Variants in SUSD1 observed in about 807,000 individuals in gnomAD.
SUSD1 encodes sushi domain-containing protein 1.
Under a neutral mutation model 86.9 loss-of-function variants are expected in SUSD1, and 65 were observed. That is an observed-to-expected ratio of 0.75 (90% CI 0.61 to 0.92). The LOEUF is 0.92. Ranked by LOEUF, SUSD1 falls within the 40% of genes least tolerant of loss-of-function variation. The pLI is 0.00. For synonymous variants in SUSD1, 346 were observed against 350.0 expected, an observed-to-expected ratio of 0.99 and a Z score of 0.13; for missense variants, 850 against 929.7, an observed-to-expected ratio of 0.91 and a Z score of 1.11.
intron 14 of SUSD1, among the ~76,000 whole-genome samples, chr9:112,054,355 T>C (rs993737493): frequency 6.6e-6 from 1 of 152,046 alleles, no homozygotes; most frequent in Non-Finnish European, 1.5e-5. Flanking sequence ...GAGGCTGAGA[T>C]AGGAGAAGCG....
At chr9:112,098,254 C>T (rs1172583053) in intron 10 of SUSD1, among the ~76,000 whole-genome samples, 1 of 152,170 alleles carries the variant, frequency 6.6e-6, no homozygotes, top group Non-Finnish European at 1.5e-5. Flanking sequence ...TCAGTCTATC[C>T]TTGGTCTGTG....
intron 1 of SUSD1, among the ~76,000 whole-genome samples, chr9:112,165,945 GAAAGA>G (rs1833796929): frequency 7.5e-6 from 1 of 133,810 alleles, no homozygotes; most frequent in South Asian, 2.5e-4. Context: ...AAAGAAAGAA[GAAAGA>G]AAGAAAGAAA....
rs1304318385 is a variant in SUSD1, at chr9:112,098,627, G to A, written c.1317C>T (p.Asn439=). 1.2e-6 allele frequency: 2 copies of A among 1,614,166 alleles called. No individual in the cohort carries two copies. The highest frequency in any genetic ancestry group is 8.5e-7 in the Non-Finnish European group (1 of 1,180,008). ...TVLGQRWYLA[N]FSHATSFNFT... The stretch of plus-strand genomic sequence containing the variant: ...AGTTAAACGATGTTGCATGAGAAAA[G>A]TTAGCCAGATACCACCTCTGACCCA... Residue 439 remains asparagine (N), a synonymous_variant, in exon 10 of 17, where the codon AAC becomes AAT. Coordinates refer to ENST00000374270, the MANE Select transcript of SUSD1 (RefSeq NM_022486.5).
intron 10 of SUSD1, among the ~76,000 whole-genome samples, chr9:112,087,473 G>C (rs1225721416): frequency 2.6e-5 from 4 of 152,090 alleles, no homozygotes; most frequent in African/African-American, 7.2e-5. Flanking sequence ...GAGCCACTGA[G>C]CCAGGCCTAG....
At chr9:112,174,610 T>A (rs545681515) in intron 1 of SUSD1, among the ~76,000 whole-genome samples, 11 of 152,330 alleles carry the variant, frequency 7.2e-5, no homozygotes, top group Middle Eastern at 3.4e-3. Flanking sequence ...AGTGAATTAA[T>A]GGCTTCACTC....
intron 5 of SUSD1, among the ~76,000 whole-genome samples, chr9:112,128,374 G>A (rs571030923): frequency 2.0e-5 from 3 of 151,450 alleles, no homozygotes; most frequent in South Asian, 2.1e-4. Context: ...GATTATAGGC[G>A]TGAGCCACCA....
intron 10 of SUSD1, among the ~76,000 whole-genome samples, chr9:112,096,338 C>G (rs1420152142): frequency 6.6e-6 from 1 of 152,170 alleles, no homozygotes; most frequent in African/African-American, 2.4e-5. Context: ...TGCCTCAAAA[C>G]CTCAGCATTT....
chr9:112,078,443 A>G lies in SUSD1; in HGVS notation c.1753+95T>C, dbSNP rs918569384. 13 of 1,259,050 alleles carry G rather than the reference A, an allele frequency of 1.0e-5. No individual in the cohort carries two copies. In the South Asian group the frequency reaches 1.4e-4, roughly 13 times the overall value. 78.0% of individuals were successfully genotyped at this position (1,259,050 alleles called of 1,614,324 possible). A position where few individuals can be genotyped will look rare whatever the true frequency, so the allele number is the denominator to read the frequency against. ...TCCTCTCCCTGTTAAAGTTCATTAT[A>G]TAATGATAAAAAGCAACAGTGTTCC... On this transcript the variant is annotated intron_variant, in intron 12 of 16. Transcript: ENST00000374270.
chr9:112,126,967 G>A (rs1831801362), intron 5 of SUSD1, among the ~76,000 whole-genome samples: 1 of 152,006 alleles, frequency 6.6e-6, no homozygotes, highest in African/African-American at 2.4e-5. Flanking sequence ...CACTGTACAG[G>A]CAAAGACTGC....
At chr9:112,173,372 G>C (rs1402439879) in intron 1 of SUSD1, 1 of 151,560 alleles carries the variant, frequency 6.6e-6, no homozygotes, top group Non-Finnish European at 1.5e-5. Context: ...ATCAGCGTTT[G>C]GTTTTAGTAA....
chr9:112,088,708 C>T (rs549606984), intron 10 of SUSD1, among the ~76,000 whole-genome samples: 2 of 152,336 alleles, frequency 1.3e-5, no homozygotes, highest in Non-Finnish European at 2.9e-5. Context: ...CGGAGGATCA[C>T]TTGAGCCCAG....
chr9:112,107,181 G>C (rs1164172959), intron 8 of SUSD1, among the ~76,000 whole-genome samples: 2 of 147,602 alleles, frequency 1.4e-5, no homozygotes, highest in African/African-American at 2.5e-5. Flanking sequence ...CTTGAGCCTG[G>C]AAGGTCAAGG....
chr9:112,057,999 T>C (rs775380649), intron 14 of SUSD1, among the ~76,000 whole-genome samples: 5 of 152,196 alleles, frequency 3.3e-5, no homozygotes, highest in Non-Finnish European at 7.3e-5. Context: ...GTGGGACCTA[T>C]GCCATAGCTG....
Position 112,170,714 on chromosome 9 carries a change from G to T in SUSD1, c.103+4419C>A, listed in dbSNP as rs867677723. Among the ~76,000 whole-genome samples the T allele has an allele frequency of 6.0e-3, 546 of 91,008 alleles. 4 individuals are homozygous for T. The highest frequency in any genetic ancestry group is 0.012 in the African/African-American group (240 of 20,376). 59.7% of individuals were successfully genotyped at this position (91,008 alleles called of 152,430 possible). On this transcript the variant is annotated intron_variant, in intron 1 of 16. Coordinates refer to ENST00000374270, the MANE Select transcript of SUSD1 (RefSeq NM_022486.5). The stretch of plus-strand genomic sequence containing the variant: ...GATCATATATATATATATATATAGA[G>T]AGAGAGAGAGAGAGAGAGAGAGCCT...
intron 6 of SUSD1, among the ~76,000 whole-genome samples, chr9:112,121,633 T>A (rs1024753138): frequency 1.3e-5 from 2 of 152,208 alleles, no homozygotes; most frequent in African/African-American, 4.8e-5. Context: ...CATGTCTTGT[T>A]TGCTCTGGCC....
At chr9:112,075,481 C>A (rs773359238) in intron 12 of SUSD1, among the ~76,000 whole-genome samples, 2 of 152,110 alleles carry the variant, frequency 1.3e-5, no homozygotes, top group Non-Finnish European at 2.9e-5. Flanking sequence ...AATCTCAGCA[C>A]TTTGGGAGGT....
intron 13 of SUSD1, among the ~76,000 whole-genome samples, chr9:112,061,556 T>C (rs1220223957): frequency 6.6e-6 from 1 of 152,220 alleles, no homozygotes; most frequent in Admixed American, 6.5e-5. Flanking sequence ...TTGACATAAA[T>C]ATCACATTTG....
intron 3 of SUSD1, among the ~76,000 whole-genome samples, chr9:112,148,260 A>G (rs1229216800): frequency 6.6e-6 from 1 of 152,192 alleles, no homozygotes; most frequent in African/African-American, 2.4e-5. Context: ...CCAGAGAGCA[A>G]CATTAAATAG....
In SUSD1 at chr9:112,047,412, C is replaced by T. The variant is rs75881965; in HGVS notation, c.2149+4987G>A. Reference sequence around the variant, plus strand: ...AGAAGAAAACCGTATTAGGGCCTTACGAGGCTAGAATCAAGGTCTCAGGTG... The same window carrying T: ...AGAAGAAAACCGTATTAGGGCCTTATGAGGCTAGAATCAAGGTCTCAGGTG... On this transcript the variant is annotated intron_variant, in intron 15 of 16. Transcript: ENST00000374270. Among the ~76,000 whole-genome samples the T allele has an allele frequency of 3.2e-3, 491 of 152,246 alleles. 3 individuals are homozygous for T. The highest frequency in any genetic ancestry group is 0.011 in the African/African-American group (456 of 41,540).
Sources: gnomAD v4.1 joint callset for allele counts (sites outside exome capture counted in the v4.1 genomes callset) on GRCh38, gnomAD v4.1.1 for gene constraint, MANE v1.5 for transcripts, NCBI Gene and HGNC (gene_info 2026-07-23, HGNC 2026-07-21) for gene names.